Variants in THADA observed in about 807,000 individuals in gnomAD.
THADA encodes tRNA (32-2'-O)-methyltransferase regulator THADA.
In THADA, 213 loss-of-function variants were observed where a neutral mutation model predicts 219.8. The observed-to-expected ratio is 0.97, with a 90% CI of 0.87 to 1.09. The LOEUF is 1.09. THADA is among the 50% of genes least tolerant of loss of function. The pLI is 0.00. For synonymous variants in THADA, 1,018 were observed against 828.9 expected (o/e 1.23, Z -3.92); for missense variants, 2,956 against 2,311.3 (o/e 1.28, Z -5.72).
At chr2:43,312,018 G>A (rs1024174775) in intron 31 of THADA, among the ~76,000 whole-genome samples, 1 of 152,100 alleles carries the variant, frequency 6.6e-6, no homozygotes, top group Non-Finnish European at 1.5e-5. Context: ...AGGCAACAAA[G>A]GGAGACCTCT....
At chr2:43,540,214 T>C (rs1241584104) in intron 21 of THADA, among the ~76,000 whole-genome samples, 1 of 152,238 alleles carries the variant, frequency 6.6e-6, no homozygotes, top group African/African-American at 2.4e-5. Flanking sequence ...CTGACGCCTA[T>C]TTGATTTGGA....
intron 36 of THADA, among the ~76,000 whole-genome samples, chr2:43,277,951 CTTT>C (rs761803232): frequency 3.0e-5 from 4 of 134,406 alleles, no homozygotes; most frequent in Non-Finnish European, 3.2e-5. Context: ...CAATATTGTT[CTTT>C]TTTTTTTTTT....
chr2:43,355,252 A>G (rs1438096777), intron 29 of THADA, among the ~76,000 whole-genome samples: 1 of 152,202 alleles, frequency 6.6e-6, no homozygotes, highest in Non-Finnish European at 1.5e-5. Flanking sequence ...ATATATACCT[A>G]GTAGTGGGAT....
intron 10 of THADA, among the ~76,000 whole-genome samples, chr2:43,575,384 A>C (rs1236816261): frequency 6.6e-6 from 1 of 152,164 alleles, no homozygotes; most frequent in Non-Finnish European, 1.5e-5. Context: ...CAGGAGTGAG[A>C]CTGCAATGAG....
At chr2:43,273,898 T>C (rs960300216) in intron 36 of THADA, among the ~76,000 whole-genome samples, 1 of 152,184 alleles carries the variant, frequency 6.6e-6, no homozygotes, top group Non-Finnish European at 1.5e-5. Context: ...CACACATGTA[T>C]ACATGTGTGC....
At chr2:43,318,268 T>C in intron 31 of THADA, among the ~76,000 whole-genome samples, 1 of 152,076 alleles carries the variant, frequency 6.6e-6, no homozygotes, top group African/African-American at 2.4e-5. Flanking sequence ...CTCAAACTTC[T>C]GGCCTCAAGC....
chr2:43,387,246 T>A (rs1672800864), intron 29 of THADA, among the ~76,000 whole-genome samples: 2 of 152,212 alleles, frequency 1.3e-5, no homozygotes, highest in Non-Finnish European at 2.9e-5. Context: ...TAGAATGTTA[T>A]GCTCTCTGAC....
At position 43,571,825 on chromosome 2, in the gene THADA, T is replaced by C. The variant is rs769166139; in HGVS notation, c.1946A>G (p.Asn649Ser). ...CATGGAAACAATTTCTGTGCTCCGA[T>C]TACTTTCACAAAGCAAGCCTAATGT... Reference protein sequence around the residue: ...IDTLGLLCESNRSTEIVSMEE... With the variant: ...IDTLGLLCESSRSTEIVSMEE... Residue 649 changes from asparagine (N) to serine (S), a missense_variant, in exon 13 of 38, where the codon AAT (asparagine) becomes AGT (serine). By Grantham distance (46) the Asn-to-Ser change is conservative (BLOSUM62 1). Coordinates refer to ENST00000405975, the MANE Select transcript of THADA (RefSeq NM_022065.5). 1.2e-6 allele frequency: 2 copies of C among 1,613,834 alleles called. No homozygotes were observed. The highest frequency in any genetic ancestry group is 1.3e-5 in the African/African-American group (1 of 74,936).
Position 43,499,305 on chromosome 2 carries a change from G to C in THADA, c.3622-350C>G, listed in dbSNP as rs149339704. ...CAAATAAAGTCTCAACAAATACCAAGTAATTAATAACTTATAGATTATGCT... is the reference window on the plus strand; with the variant it reads ...CAAATAAAGTCTCAACAAATACCAACTAATTAATAACTTATAGATTATGCT... On this transcript the variant is annotated intron_variant, in intron 24 of 37. Coordinates refer to ENST00000405975, the MANE Select transcript of THADA (RefSeq NM_022065.5). Among the ~76,000 whole-genome samples, 728 of 152,104 alleles carry C rather than the reference G, an allele frequency of 4.8e-3. 8 individuals are homozygous for C. Among genetic ancestry groups the C allele is most frequent in the African/African-American group, 0.017 (701 of 41,484 alleles).
chr2:43,526,653 C>T (rs995009022), intron 22 of THADA, among the ~76,000 whole-genome samples: 4 of 152,196 alleles, frequency 2.6e-5, no homozygotes, highest in African/African-American at 7.2e-5. Context: ...CCACACACAT[C>T]CACACACAGA....
chr2:43,590,990 T>C (rs774002803), intron 3 of THADA, 36 bp from the exon 4 acceptor site: 3 of 1,584,294 alleles, frequency 1.9e-6, no homozygotes, highest in Non-Finnish European at 2.6e-6. Flanking sequence ...TTTTATAATA[T>C]CAAATATAGC....
chr2:43,586,571 A>C, intron 6 of THADA, 122 bp from the exon 7 acceptor site: 1 of 1,317,844 alleles, frequency 7.6e-7, no homozygotes. Flanking sequence ...AAAAATTTAA[A>C]AGGAAGGGTC....
chr2:43,356,200 C>T (rs1323292074), intron 29 of THADA, among the ~76,000 whole-genome samples: 1 of 152,138 alleles, frequency 6.6e-6, no homozygotes, highest in Non-Finnish European at 1.5e-5. Flanking sequence ...ATTCAATAAA[C>T]AGTATTAAGA....
rs377197998 is a variant in THADA at position 43,532,816 on chromosome 2, T to C, written c.3265-4828A>G. On this transcript the variant is annotated intron_variant, in intron 21 of 37. Coordinates refer to ENST00000405975, the MANE Select transcript of THADA (RefSeq NM_022065.5). Reference sequence around the variant, plus strand: ...CTAGAAGAAAACCTAGGCAATACCATTCACGACATAGGCATGGGCAAAGAC... The same window carrying C: ...CTAGAAGAAAACCTAGGCAATACCACTCACGACATAGGCATGGGCAAAGAC... Among the ~76,000 whole-genome samples, 34 of 152,276 alleles carry C rather than the reference T, an allele frequency of 2.2e-4. 2 individuals are homozygous for C. The South Asian group carries it at 4.3e-3, about 19-fold the overall frequency.
intron 20 of THADA, among the ~76,000 whole-genome samples, chr2:43,547,589 C>T (rs979679444): frequency 1.3e-5 from 2 of 151,968 alleles, no homozygotes; most frequent in Non-Finnish European, 2.9e-5. Flanking sequence ...TTCTCTAAAC[C>T]TCCCTTCTCG....
At chr2:43,311,961 G>T (rs1311330417) in intron 31 of THADA, among the ~76,000 whole-genome samples, 1 of 152,216 alleles carries the variant, frequency 6.6e-6, no homozygotes, top group Non-Finnish European at 1.5e-5. Context: ...CACTTTGGGA[G>T]GCCGAGGCAG....
At chr2:43,366,202 T>C (rs1050687663) in intron 29 of THADA, among the ~76,000 whole-genome samples, 2 of 152,228 alleles carry the variant, frequency 1.3e-5, no homozygotes, top group African/African-American at 4.8e-5. Flanking sequence ...CACATACATA[T>C]TTAGCAAGTT....
At chr2:43,303,189 A>G (rs1209876006) in intron 31 of THADA, among the ~76,000 whole-genome samples, 2 of 152,218 alleles carry the variant, frequency 1.3e-5, no homozygotes, top group African/African-American at 4.8e-5. Flanking sequence ...AGTGTTTTGC[A>G]TAAAGGAGTA....
intron 32 of THADA, 126 bp downstream of exon 32, chr2:43,292,708 C>A (rs983725561): frequency 2.1e-5 from 26 of 1,215,244 alleles, no homozygotes; most frequent in Non-Finnish European, 2.8e-5. Context: ...CACTGGCTGC[C>A]GAATCTACTT....
Sources: gnomAD v4.1 joint callset for allele counts (sites outside exome capture counted in the v4.1 genomes callset) on GRCh38, gnomAD v4.1.1 for gene constraint, MANE v1.5 for transcripts, NCBI Gene and HGNC (gene_info 2026-07-23, HGNC 2026-07-21) for gene names.